Variants in DCDC1 observed in about 807,000 individuals in gnomAD.
The protein encoded by DCDC1 is doublecortin domain containing 1.
A neutral mutation model predicts 178.3 loss-of-function variants in DCDC1; 200 were observed. The observed-to-expected ratio is 1.12, with a 90% CI of 1.00 to 1.26. The LOEUF is 1.26. DCDC1 is among the 50% of genes most tolerant of loss of function. DCDC1 has a pLI of 0.00. For synonymous variants in DCDC1, 690 were observed against 604.8 expected (o/e 1.14, Z -2.07); for missense variants, 1,983 against 1,749.2 (o/e 1.13, Z -2.38).
chr11:31,338,896 C>T (rs768472953), intron 1 of DCDC1, among the ~76,000 whole-genome samples: 2 of 151,964 alleles, frequency 1.3e-5, no homozygotes, highest in African/African-American at 2.4e-5. Flanking sequence ...TTTTCTTACC[C>T]GTCCTCAATG....
intron 20 of DCDC1, among the ~76,000 whole-genome samples, chr11:30,953,608 T>C (rs576432075): frequency 1.3e-5 from 2 of 152,208 alleles, no homozygotes; most frequent in South Asian, 2.1e-4. Flanking sequence ...AAGGTTCAAA[T>C]AGAAATCAAT....
chr11:31,333,965 A>C (rs1950138753), intron 2 of DCDC1, among the ~76,000 whole-genome samples: 2 of 152,180 alleles, frequency 1.3e-5, no homozygotes, highest in South Asian at 4.1e-4. Flanking sequence ...TAATATCCTG[A>C]AGAGTGTTTT....
chr11:31,137,095 TC>T (rs1287507098), intron 10 of DCDC1, among the ~76,000 whole-genome samples: 1 of 152,156 alleles, frequency 6.6e-6, no homozygotes, highest in African/African-American at 2.4e-5. Flanking sequence ...TTTTATAACT[TC>T]CAGTTTCAAA....
At chr11:31,367,124 C>A (rs1714381911) in intron 1 of DCDC1, among the ~76,000 whole-genome samples, 1 of 152,018 alleles carries the variant, frequency 6.6e-6, no homozygotes, top group Non-Finnish European at 1.5e-5. Flanking sequence ...GGTGAAACTC[C>A]ATCTCTACAA....
chr11:31,075,431 T>C (rs1207883880), intron 18 of DCDC1, among the ~76,000 whole-genome samples: 1 of 152,178 alleles, frequency 6.6e-6, no homozygotes, highest in African/African-American at 2.4e-5. Flanking sequence ...CCGGATGAAA[T>C]GGTAGTTCTA....
intron 6 of DCDC1, among the ~76,000 whole-genome samples, chr11:31,304,201 TC>T (rs1948306046): frequency 6.6e-6 from 1 of 152,208 alleles, no homozygotes; most frequent in Non-Finnish European, 1.5e-5. Flanking sequence ...CAGGAGATTT[TC>T]TTCTTAGCTT....
chr11:31,140,807 A>G (rs542887206), intron 9 of DCDC1, among the ~76,000 whole-genome samples: 6 of 152,342 alleles, frequency 3.9e-5, no homozygotes, highest in African/African-American at 1.4e-4. Flanking sequence ...GATTCCAATG[A>G]AACAATTTCC....
intron 7 of DCDC1, among the ~76,000 whole-genome samples, chr11:31,277,175 T>A (rs1946055341): frequency 6.6e-6 from 1 of 152,124 alleles, no homozygotes; most frequent in Admixed American, 6.6e-5. Context: ...ATCTGGTTTT[T>A]TTCACTAGAG....
intron 1 of DCDC1, 104 bp downstream of exon 1, chr11:31,369,593 G>GGGT (rs1270446522): frequency 1.0e-4 from 16 of 152,840 alleles, no homozygotes; most frequent in African/African-American, 3.9e-4. Flanking sequence ...GATGGCGAGG[G>GGGT]GGTGCTCGCT....
Position 31,294,850 on chromosome 11 carries a change from GAAAGAAAGAAA to G in DCDC1, c.755-4009_755-3999del, listed in dbSNP as rs1445801995. 5.8e-3 allele frequency among the ~76,000 whole-genome samples: 728 copies of G among 124,534 alleles called. 4 individuals carry two copies. Among genetic ancestry groups the G allele is most frequent in the African/African-American group, 0.02 (672 of 34,446 alleles). The allele number at this position is 124,534 out of a possible 152,430, so 81.7% of individuals were successfully genotyped here. A position where few individuals can be genotyped will look rare whatever the true frequency, so the allele number is the denominator to read the frequency against. On this transcript the variant is annotated intron_variant, in intron 6 of 38. Coordinates refer to ENST00000684477, the MANE Select transcript of DCDC1 (RefSeq NM_001387274.1). ...AGAAAGAAAGAAAGAAAGAAAGAAA[GAAAGAAAGAAA>G]GAAAGAAAAAGAAAACAGAAAGAGT...
intron 1 of DCDC1, among the ~76,000 whole-genome samples, chr11:31,353,289 A>G (rs1951166735): frequency 6.6e-6 from 1 of 152,206 alleles, no homozygotes; most frequent in Non-Finnish European, 1.5e-5. Context: ...CTTTTTCTAT[A>G]TCTGAGCTAA....
intron 7 of DCDC1, among the ~76,000 whole-genome samples, chr11:31,277,170 G>A (rs1019694415): frequency 6.6e-6 from 1 of 151,800 alleles, no homozygotes; most frequent in Admixed American, 6.6e-5. Flanking sequence ...CAATAATCTG[G>A]TTTTTTTCAC....
chr11:30,971,094 C>T (rs1231809104), intron 20 of DCDC1, among the ~76,000 whole-genome samples: 2 of 152,210 alleles, frequency 1.3e-5, no homozygotes, highest in African/African-American at 4.8e-5. Flanking sequence ...CATCCTAATC[C>T]ACTGAGGAAA....
At chr11:31,119,058 G>A (rs1286733874) in intron 11 of DCDC1, among the ~76,000 whole-genome samples, 1 of 152,118 alleles carries the variant, frequency 6.6e-6, no homozygotes, top group East Asian at 1.9e-4. Flanking sequence ...GAGGACAGGA[G>A]GAAGAAAAGG....
intron 1 of DCDC1, among the ~76,000 whole-genome samples, chr11:31,347,001 A>T (rs775515333): frequency 1.3e-5 from 2 of 152,246 alleles, no homozygotes; most frequent in Admixed American, 6.5e-5. Flanking sequence ...ATTTAAGCTT[A>T]TAACAAGAAA....
chr11:31,300,504 G>A (rs978179992), intron 6 of DCDC1, among the ~76,000 whole-genome samples: 15 of 152,042 alleles, frequency 9.9e-5, no homozygotes, highest in African/African-American at 3.6e-4. Flanking sequence ...TTACAGATAA[G>A]GACACTGAAG....
intron 7 of DCDC1, among the ~76,000 whole-genome samples, chr11:31,275,573 C>G (rs554980489): frequency 6.6e-6 from 1 of 152,062 alleles, no homozygotes; most frequent in East Asian, 1.9e-4. Flanking sequence ...GGCTTGATCT[C>G]GGCTCACTGC....
At chr11:31,278,156 T>C (rs749679245) in intron 7 of DCDC1, among the ~76,000 whole-genome samples, 8 of 152,148 alleles carry the variant, frequency 5.3e-5, no homozygotes, top group Non-Finnish European at 1.0e-4. Flanking sequence ...TTTTCCCCCA[T>C]TGAATCACTC....
At chr11:30,925,261 T>C (rs774149701) in intron 23 of DCDC1, 48 bp downstream of exon 23, 3 of 1,461,892 alleles carry the variant, frequency 2.1e-6, no homozygotes, top group Non-Finnish European at 2.9e-6. Flanking sequence ...CTTTCTTGGA[T>C]GGGGTATTAA....
Sources: gnomAD v4.1 joint callset for allele counts (sites outside exome capture counted in the v4.1 genomes callset) on GRCh38, gnomAD v4.1.1 for gene constraint, MANE v1.5 for transcripts, NCBI Gene and HGNC (gene_info 2026-07-23, HGNC 2026-07-21) for gene names.